TREML1: variants seen among roughly 807,000 people sequenced by gnomAD.
TREML1 encodes triggering receptor expressed on myeloid cells like 1, also known as trem-like transcript 1 protein.
In TREML1, 27 loss-of-function variants were observed where a neutral mutation model predicts 22.8. The ratio of observed to expected loss-of-function variants is 1.19; its 90% CI spans 0.87 to 1.64. The LOEUF (loss-of-function observed/expected upper bound fraction) is 1.64. Ranked by LOEUF, TREML1 falls within the 40% of genes most tolerant of loss-of-function variation. The pLI, the probability that TREML1 is intolerant of heterozygous loss-of-function variation, is 0.00. For missense variants in TREML1, 356 were observed against 382.0 expected, an observed-to-expected ratio of 0.93 and a Z score of 0.57; for synonymous variants, 153 against 161.9, an observed-to-expected ratio of 0.94 and a Z score of 0.42.
At chr6:41,152,219 CCTTTGACCA>C (rs1336084895) in intron 2 of TREML1, among the ~76,000 whole-genome samples, 4 of 152,236 alleles carry the variant, frequency 2.6e-5, no homozygotes, top group Admixed American at 6.5e-5. Context: ...TATTAGGCTG[CCTTTGACCA>C]CCTTCTCTGA....
At position 41,151,325 on chromosome 6, in the gene TREML1, C is replaced by G. The variant is rs758885053; in HGVS notation, c.436G>C (p.Ala146Pro). The G allele has an allele frequency of 6.2e-7, 1 of 1,614,244 alleles. No individual in the cohort carries two copies. Among genetic ancestry groups the G allele is most frequent in the Admixed American group, 1.7e-5 (1 of 60,028 alleles). Residue 146 changes from alanine to proline, a missense_variant, in exon 3 of 6, where the codon GCA (alanine) becomes CCA (proline). By Grantham distance (27) the Ala-to-Pro change is conservative. Transcript: ENST00000426005. ...SLAENAFSDP[A>P]GSANPLEPSQ... is the part of the protein sequence containing the mutation. ...GGTTCCAAAGGGTTGGCACTGCCTG[C>G]AGGGTCTGAGAATGCGTTCTCAGCC...
intron 2 of TREML1, among the ~76,000 whole-genome samples, chr6:41,152,131 T>G (rs145657950): frequency 0.017 from 2,596 of 152,264 alleles, 34 homozygotes; most frequent in South Asian, 0.029. Flanking sequence ...TCTTGAGAGA[T>G]TCACCATTCC....
Position 41,151,349 on chromosome 6 carries a change from C to T in TREML1, c.412G>A (p.Ala138Thr). Residue 138 changes from alanine (A) to threonine (T), a missense_variant, in exon 3 of 6, where the codon GCT becomes ACT. By Grantham distance (58) the Ala-to-Thr change is moderately conservative. Coordinates refer to ENST00000426005, the MANE Select transcript of TREML1 (RefSeq NM_178174.4). ...GCAGGGTCTGAGAATGCGTTCTCAG[C>T]CAGACTGCCAATCTTATGGGTCTCT... is the stretch of plus-strand genomic sequence containing the variant. The part of the protein sequence containing the change: ...EEETHKIGSL[A>T]ENAFSDPAGS... 6.2e-7 allele frequency: 1 copy of T among 1,614,206 alleles called. No homozygotes were observed. The highest frequency in any genetic ancestry group is 1.1e-5 in the South Asian group (1 of 91,082).
At chr6:41,154,519 T>G (rs73733366), upstream of TREML1, among the ~76,000 whole-genome samples, 4,930 of 152,122 alleles carry the variant, frequency 0.032, 217 homozygotes, top group East Asian at 0.097. Context: ...CGAAGAAAGC[T>G]AGAAGCCTGC....
chr6:41,153,678 C>G, intron 2 of TREML1, 80 bp downstream of exon 2: 1 of 1,444,904 alleles, frequency 6.9e-7, no homozygotes, highest in African/African-American at 1.4e-5. Flanking sequence ...CCCCACTCCT[C>G]AAGAACCCAT....
chr6:41,151,024 A>C, intron 3 of TREML1, 117 bp from the exon 4 acceptor site: 1 of 895,448 alleles, frequency 1.1e-6, no homozygotes, highest in Non-Finnish European at 1.8e-6. Flanking sequence ...GGGAGATGAA[A>C]TAGAATGAGG....
In TREML1 at chr6:41,149,911, G is replaced by C. The variant is rs746984285; in HGVS notation, c.629C>G (p.Ser210Cys). Residue 210 changes from serine to cysteine, a missense_variant, in exon 6 of 6, where the codon TCC becomes TGC. Coordinates refer to ENST00000426005, the MANE Select transcript of TREML1 (RefSeq NM_178174.4). ...LSSRVSGMNP[S>C]SVVHHVSDSG... is the part of the protein sequence containing the mutation. ...GTCACTGACGTGGTGGACCACTGAG[G>C]AGGGATTCTGTAACAAAAGCAGGCA... The C allele has an allele frequency of 8.4e-5, 136 of 1,611,236 alleles. No homozygotes were observed. The highest frequency in any genetic ancestry group is 1.1e-4 in the Non-Finnish European group (134 of 1,178,056).
upstream of TREML1, among the ~76,000 whole-genome samples, chr6:41,154,632 T>A (rs1025119867): frequency 1.3e-5 from 2 of 152,156 alleles, no homozygotes; most frequent in Non-Finnish European, 2.9e-5. Flanking sequence ...TAATACAGAA[T>A]CTGAGGGTGC....
chr6:41,152,642 G>A (rs1446227120), intron 2 of TREML1, among the ~76,000 whole-genome samples: 6 of 152,084 alleles, frequency 3.9e-5, no homozygotes, highest in Non-Finnish European at 8.8e-5. Flanking sequence ...GGAGGCCAAG[G>A]CGGGCAGATC....
Position 41,149,398 on chromosome 6 carries a change from TG to T in TREML1, c.*205del. The T allele has an allele frequency of 1.8e-6, 1 of 557,870 alleles. No individual in the cohort carries two copies. The highest frequency in any genetic ancestry group is 3.2e-6 in the Non-Finnish European group (1 of 315,614). 34.6% of individuals were successfully genotyped at this position (557,870 alleles called of 1,614,324 possible). A position where few individuals can be genotyped will look rare whatever the true frequency, so the allele number is the denominator to read the frequency against. On this transcript the variant is annotated 3_prime_UTR_variant, in exon 6 of 6. Transcript: ENST00000426005. ...CAGTGTGTAATGGTAGAAGAACCAGTGGGGGAGTTGGGTGCAGGGAGGTCTT... is the reference window on the plus strand; with the variant it reads ...CAGTGTGTAATGGTAGAAGAACCAGTGGGGAGTTGGGTGCAGGGAGGTCTT...
At chr6:41,154,114 AT>A in intron 1 of TREML1, 24 bp from the exon 2 acceptor site, 1 of 1,602,418 alleles carries the variant, frequency 6.2e-7, no homozygotes, top group Non-Finnish European at 8.5e-7. Context: ...GGAGGTGGGA[AT>A]TTTGGGCAGG....
rs767955129 is a variant in TREML1, at chr6:41,153,976, C to T, written c.158G>A (p.Arg53Gln). 30 of 1,614,080 alleles carry T rather than the reference C, an allele frequency of 1.9e-5. No individual in the cohort carries two copies. Among genetic ancestry groups the T allele is most frequent in the Non-Finnish European group, 2.5e-5 (29 of 1,180,050 alleles). The change falls in exon 2 of 6, where the codon CGG becomes CAG. Residue 53 changes from arginine (R) to glutamine (Q), a missense_variant. Transcript: ENST00000426005. ...QDVKAQKVWC[R>Q]FLPEGCQPLV... Reference sequence around the variant, plus strand: ...GGGCTGGCACCCCTCCGGCAAGAACCGGCACCACACCTTCTGAGCTTTGAC... The same window carrying T: ...GGGCTGGCACCCCTCCGGCAAGAACTGGCACCACACCTTCTGAGCTTTGAC...
intron 5 of TREML1, among the ~76,000 whole-genome samples, 157 bp from the exon 6 acceptor site, chr6:41,150,075 C>T (rs1205901597): frequency 1.3e-5 from 2 of 152,056 alleles, no homozygotes; most frequent in African/African-American, 4.8e-5. Flanking sequence ...CAAGTTTCTC[C>T]CCAAATCTGG....
In TREML1 at chr6:41,150,329, A is replaced by G; in HGVS notation, c.569-16T>C. On this transcript the variant is annotated splice_polypyrimidine_tract_variant and intron_variant, in intron 4 of 5. Transcript: ENST00000426005. ...AGCCTGTTCCCTGGCAGGACAGACA[A>G]CAGCAGCATAGTCTGCTTCCGGGGC... The G allele has an allele frequency of 6.2e-7, 1 of 1,613,740 alleles. No homozygotes were observed. The highest frequency in any genetic ancestry group is 8.5e-7 in the Non-Finnish European group (1 of 1,179,814).
upstream of TREML1, among the ~76,000 whole-genome samples, chr6:41,154,716 T>C (rs1765376935): frequency 6.6e-6 from 1 of 152,048 alleles, no homozygotes; most frequent in South Asian, 2.1e-4. Flanking sequence ...TCTTTGGGAG[T>C]GCCCCACGAC....
intron 2 of TREML1, among the ~76,000 whole-genome samples, chr6:41,153,118 A>G (rs1351668342): frequency 6.6e-6 from 1 of 151,500 alleles, no homozygotes; most frequent in African/African-American, 2.4e-5. Context: ...ATGCTTATAT[A>G]CTAGAAAAGT....
chr6:41,149,406 T>G lies in TREML1; in HGVS notation c.*198A>C. On this transcript the variant is annotated 3_prime_UTR_variant, in exon 6 of 6. Coordinates refer to ENST00000426005, the MANE Select transcript of TREML1 (RefSeq NM_178174.4). ...AATGGTAGAAGAACCAGTGGGGGAG[T>G]TGGGTGCAGGGAGGTCTTCCCCAAG... 1 of 559,514 alleles carries G rather than the reference T, an allele frequency of 1.8e-6. No individual in the cohort carries two copies. Among genetic ancestry groups the G allele is most frequent in the South Asian group, 2.8e-5 (1 of 36,246 alleles). The allele number at this position is 559,514 out of a possible 1,614,324, so 34.7% of individuals were successfully genotyped here.
intron 3 of TREML1, 97 bp downstream of exon 3, chr6:41,151,185 A>G (rs1765235369): frequency 1.8e-6 from 2 of 1,107,304 alleles, no homozygotes; most frequent in African/African-American, 3.1e-5. Context: ...GGGAAGAATC[A>G]TAGGTTTTCC....
chr6:41,149,833 G>A lies in TREML1; in HGVS notation c.707C>T (p.Ser236Leu). ...GGTGGTATTGTCAAATGAAGGTGGT[G>A]AGTCAAGCCTAATGTGTGGTACATC... ...PLDVPHIRLD[S>L]PPSFDNTTYT... The change falls in exon 6 of 6, where the codon TCA becomes TTA. Residue 236 changes from serine to leucine, a missense_variant. Ser to Leu is a moderately radical substitution (Grantham distance 145, BLOSUM62 -2). Transcript: ENST00000426005. 1 of 1,614,188 alleles carries A rather than the reference G, an allele frequency of 6.2e-7. No homozygotes were observed. Among genetic ancestry groups the A allele is most frequent in the East Asian group, 2.2e-5 (1 of 44,884 alleles).
Sources: allele counts gnomAD v4.1 joint callset (sites outside exome capture counted in the v4.1 genomes callset), GRCh38; gene constraint gnomAD v4.1.1; transcripts MANE v1.5; gene names NCBI Gene and HGNC (gene_info 2026-07-23, HGNC 2026-07-21).